SLC9A9: variants seen among roughly 807,000 people sequenced by gnomAD.
The protein encoded by SLC9A9 is sodium/hydrogen exchanger 9.
SLC9A9 carries 62 observed loss-of-function variants against 77.8 expected under a neutral mutation model. The observed-to-expected ratio is 0.80, with a 90% CI of 0.65 to 0.98. SLC9A9 has a LOEUF of 0.98. Ranked by LOEUF, SLC9A9 falls within the 50% of genes least tolerant of loss-of-function variation. The probability of loss-of-function intolerance (pLI) is 0.00; values close to 1 mark genes in which losing one functional copy is unlikely to be tolerated. For missense variants in SLC9A9, 775 were observed against 774.9 expected, an observed-to-expected ratio of 1.00 and a Z score of 0.00; for synonymous variants, 320 against 283.5, an observed-to-expected ratio of 1.13 and a Z score of -1.29.
At chr3:143,794,940 T>A in intron 4 of SLC9A9, 61 bp downstream of exon 4, 1 of 1,396,590 alleles carries the variant, frequency 7.2e-7, no homozygotes, top group East Asian at 2.3e-5. Flanking sequence ...AAGTGTTAGA[T>A]CCCTCACACA....
intron 12 of SLC9A9, among the ~76,000 whole-genome samples, chr3:143,387,694 T>A (rs1039458160): frequency 5.3e-5 from 8 of 151,926 alleles, no homozygotes; most frequent in Admixed American, 1.3e-4. Flanking sequence ...TGCACCATAA[T>A]GCACCCTCCC....
chr3:143,674,881 T>G (rs1171771974), intron 5 of SLC9A9, among the ~76,000 whole-genome samples: 2 of 152,236 alleles, frequency 1.3e-5, no homozygotes, highest in African/African-American at 4.8e-5. Flanking sequence ...TTCATCTCAA[T>G]AATTCTTGAC....
chr3:143,527,852 G>A (rs1009199773), intron 9 of SLC9A9, among the ~76,000 whole-genome samples: 1 of 152,112 alleles, frequency 6.6e-6, no homozygotes, highest in Admixed American at 6.6e-5. Context: ...AGAGGTAAGG[G>A]GCAGGATTAG....
At chr3:143,677,831 T>C (rs1932931253) in intron 5 of SLC9A9, among the ~76,000 whole-genome samples, 1 of 147,100 alleles carries the variant, frequency 6.8e-6, no homozygotes, top group South Asian at 2.2e-4. Context: ...GTCTTTTTTT[T>C]TTTTTTTTTT....
chr3:143,577,061 T>C (rs1049477202), intron 7 of SLC9A9, among the ~76,000 whole-genome samples: 2 of 152,196 alleles, frequency 1.3e-5, no homozygotes, highest in Non-Finnish European at 2.9e-5. Context: ...TTTCCCTTGA[T>C]TCTAGTCTCC....
At chr3:143,627,328 T>C (rs953225012) in intron 6 of SLC9A9, 1 of 208,392 alleles carries the variant, frequency 4.8e-6, no homozygotes, top group South Asian at 9.3e-5. Flanking sequence ...TATGATGAAC[T>C]GGGGAATAGA....
At chr3:143,797,658 C>A (rs924802625) in intron 2 of SLC9A9, among the ~76,000 whole-genome samples, 1 of 152,152 alleles carries the variant, frequency 6.6e-6, no homozygotes, top group Non-Finnish European at 1.5e-5. Context: ...CCTGTTCCTG[C>A]CTTAACTGAT....
intron 2 of SLC9A9, among the ~76,000 whole-genome samples, chr3:143,809,938 T>A (rs913605847): frequency 3.9e-5 from 6 of 152,224 alleles, no homozygotes; most frequent in African/African-American, 1.4e-4. Flanking sequence ...AAATTTATAC[T>A]ATTTCCTTTT....
At chr3:143,579,432 T>C (rs989172184) in intron 6 of SLC9A9, among the ~76,000 whole-genome samples, 4 of 152,312 alleles carry the variant, frequency 2.6e-5, no homozygotes, top group East Asian at 1.9e-4. Flanking sequence ...TTAAATATTA[T>C]TGAGGATGTC....
chr3:143,459,400 G>C (rs1425759498), intron 12 of SLC9A9, among the ~76,000 whole-genome samples: 1 of 152,122 alleles, frequency 6.6e-6, no homozygotes, highest in Non-Finnish European at 1.5e-5. Flanking sequence ...AGAATGTTGA[G>C]ATTTTGTTTT....
chr3:143,353,680 C>T (rs188578148), intron 14 of SLC9A9, among the ~76,000 whole-genome samples: 1 of 152,282 alleles, frequency 6.6e-6, no homozygotes, highest in East Asian at 1.9e-4. Flanking sequence ...TGCCACCAAT[C>T]TACCTCATTA....
chr3:143,295,074 G>A (rs1305466959), intron 14 of SLC9A9, among the ~76,000 whole-genome samples: 1 of 152,196 alleles, frequency 6.6e-6, no homozygotes, highest in Non-Finnish European at 1.5e-5. Flanking sequence ...TTGCAGATTA[G>A]TTTTGTTTTT....
rs542955100 is a variant in SLC9A9, at chr3:143,517,620, C to A, written c.1090-22172G>T. ...TCCAATTTACAGGCAAGGGCAAGAT[C>A]ATGGGCTGCTTCTTCCTACTGGCCT... On this transcript the variant is annotated intron_variant, in intron 9 of 15. Coordinates refer to ENST00000316549, the MANE Select transcript of SLC9A9 (RefSeq NM_173653.4). 17 of 1,597,474 alleles carry A rather than the reference C, an allele frequency of 1.1e-5. No homozygotes were observed. In the South Asian group the frequency reaches 1.8e-4, roughly 17 times the overall value.
chr3:143,646,905 CA>C (rs149883730), intron 6 of SLC9A9, among the ~76,000 whole-genome samples: 2,136 of 152,230 alleles, frequency 0.014, 20 homozygotes, highest in Non-Finnish European at 0.023. Context: ...AATAATACTC[CA>C]TTGTTGGTTT....
chr3:143,381,764 G>A (rs890975264), intron 13 of SLC9A9, among the ~76,000 whole-genome samples: 9 of 152,170 alleles, frequency 5.9e-5, no homozygotes, highest in Non-Finnish European at 1.2e-4. Context: ...TTGCTGGGTA[G>A]GGATTTGAAC....
chr3:143,389,049 G>T (rs2033493259), intron 12 of SLC9A9, among the ~76,000 whole-genome samples: 2 of 152,214 alleles, frequency 1.3e-5, no homozygotes, highest in South Asian at 2.1e-4. Flanking sequence ...GACTGTGAGG[G>T]TCATGAACAC....
At chr3:143,657,444 C>A (rs548650891) in intron 5 of SLC9A9, among the ~76,000 whole-genome samples, 3 of 152,276 alleles carry the variant, frequency 2.0e-5, no homozygotes, top group East Asian at 3.9e-4. Context: ...AGCTCTTATG[C>A]CCCAGAGCAA....
At chr3:143,756,591 T>C (rs746457446) in intron 4 of SLC9A9, among the ~76,000 whole-genome samples, 4 of 152,246 alleles carry the variant, frequency 2.6e-5, no homozygotes, top group Non-Finnish European at 5.9e-5. Flanking sequence ...CATCTGTGCA[T>C]AACTGAATCC....
intron 4 of SLC9A9, among the ~76,000 whole-genome samples, chr3:143,772,861 T>A (rs1312644193): frequency 6.6e-6 from 1 of 152,186 alleles, no homozygotes; most frequent in Non-Finnish European, 1.5e-5. Flanking sequence ...CAGAGAACAC[T>A]GACAACTTTA....
Sources: gnomAD v4.1 joint callset for allele counts (sites outside exome capture counted in the v4.1 genomes callset) on GRCh38, gnomAD v4.1.1 for gene constraint, MANE v1.5 for transcripts, NCBI Gene and HGNC (gene_info 2026-07-23, HGNC 2026-07-21) for gene names.